Variants in NRG3 observed in about 807,000 individuals in gnomAD.
NRG3 encodes the protein neuregulin 3, also known as pro-neuregulin-3, membrane-bound isoform.
Under a neutral mutation model 66.9 loss-of-function variants are expected in NRG3, and 31 were observed. The observed-to-expected ratio is 0.46, with a 90% CI of 0.35 to 0.63. The LOEUF (loss-of-function observed/expected upper bound fraction) is 0.63, where lower values mean the gene tolerates loss of function less well. Ranked by LOEUF, NRG3 falls within the 20% of genes least tolerant of loss-of-function variation. The probability of loss-of-function intolerance (pLI) is 0.00; values close to 1 mark genes in which losing one functional copy is unlikely to be tolerated. For missense variants in NRG3, 910 were observed against 878.9 expected (o/e 1.04, Z -0.45); for synonymous variants, 393 against 359.4 (o/e 1.09, Z -1.06).
intron 1 of NRG3, among the ~76,000 whole-genome samples, chr10:82,288,561 A>G (rs770022215): frequency 6.6e-6 from 1 of 152,146 alleles, no homozygotes; most frequent in Non-Finnish European, 1.5e-5. Flanking sequence ...ACAAACATTT[A>G]TTGAGTGCCT....
intron 2 of NRG3, among the ~76,000 whole-genome samples, chr10:82,480,335 A>G (rs1842163927): frequency 6.6e-6 from 1 of 152,230 alleles, no homozygotes; most frequent in African/African-American, 2.4e-5. Context: ...GCACACATTC[A>G]ACAGGTGATG....
intron 2 of NRG3, among the ~76,000 whole-genome samples, chr10:82,649,708 C>T (rs936642274): frequency 6.6e-6 from 1 of 151,918 alleles, no homozygotes; most frequent in Non-Finnish European, 1.5e-5. Context: ...CCCACTTCAG[C>T]CTCCCAAAGT....
rs142375681 is a variant in NRG3 at position 82,742,156 on chromosome 10, A to C, written c.1027+3506A>C. ...GTCCAGTGCATACTTTTGCTGAGTGAAATCCCTATTAGCAGGGGGTGAGAA... is the reference window on the plus strand; with the variant it reads ...GTCCAGTGCATACTTTTGCTGAGTGCAATCCCTATTAGCAGGGGGTGAGAA... On this transcript the variant is annotated intron_variant, in intron 3 of 8. Coordinates refer to ENST00000372141, the MANE Select transcript of NRG3 (RefSeq NM_001010848.4). Among the ~76,000 whole-genome samples the C allele has an allele frequency of 5.5e-3, 835 of 152,216 alleles. 7 individuals are homozygous for C. Among genetic ancestry groups the C allele is most frequent in the African/African-American group, 0.019 (777 of 41,532 alleles).
chr10:82,082,426 G>A (rs1410066909), intron 1 of NRG3, among the ~76,000 whole-genome samples: 1 of 152,204 alleles, frequency 6.6e-6, no homozygotes, highest in Non-Finnish European at 1.5e-5. Flanking sequence ...GCCAGCTAGT[G>A]AGTCAAGGAA....
intron 2 of NRG3, among the ~76,000 whole-genome samples, chr10:82,413,599 A>G (rs963919420): frequency 1.3e-5 from 2 of 152,190 alleles, no homozygotes; most frequent in African/African-American, 4.8e-5. Flanking sequence ...TTTTAAAGCC[A>G]GTCATTGACT....
chr10:82,438,074 T>C (rs1034747765), intron 2 of NRG3, among the ~76,000 whole-genome samples: 4 of 152,172 alleles, frequency 2.6e-5, no homozygotes, highest in African/African-American at 9.7e-5. Context: ...CTTTGTCCTT[T>C]GGTGGAGAGA....
intron 3 of NRG3, among the ~76,000 whole-genome samples, chr10:82,833,421 T>C (rs958418460): frequency 2.6e-5 from 4 of 152,158 alleles, no homozygotes; most frequent in African/African-American, 4.8e-5. Context: ...CAGATGCCAC[T>C]GACTTTGCCT....
chr10:82,874,668 A>G (rs912292191), intron 4 of NRG3, among the ~76,000 whole-genome samples: 1 of 152,216 alleles, frequency 6.6e-6, no homozygotes, highest in African/African-American at 2.4e-5. Flanking sequence ...TGAATGAAGT[A>G]GTAACTATTT....
At chr10:82,314,746 C>T (rs2081208135) in intron 1 of NRG3, among the ~76,000 whole-genome samples, 1 of 152,128 alleles carries the variant, frequency 6.6e-6, no homozygotes, top group Admixed American at 6.5e-5. Flanking sequence ...GGAGGCAGAG[C>T]TTTCAGTGAG....
intron 2 of NRG3, among the ~76,000 whole-genome samples, chr10:82,410,336 A>G (rs1298466879): frequency 6.6e-6 from 1 of 151,828 alleles, no homozygotes; most frequent in African/African-American, 2.4e-5. Context: ...GGCATTGATA[A>G]TGAAGACCTC....
rs1240312288 is a variant in NRG3 at position 82,478,590 on chromosome 10, G to T, written c.953+119722G>T. 4.8e-5 allele frequency among the ~76,000 whole-genome samples: 3 copies of T among 62,616 alleles called. 1 individual carries two copies. Among genetic ancestry groups the T allele is most frequent in the Non-Finnish European group, 8.5e-5 (2 of 23,598 alleles). 41.1% of individuals were successfully genotyped at this position (62,616 alleles called of 152,430 possible). A position where few individuals can be genotyped will look rare whatever the true frequency, so the allele number is the denominator to read the frequency against. On this transcript the variant is annotated intron_variant, in intron 2 of 8. Coordinates refer to ENST00000372141, the MANE Select transcript of NRG3 (RefSeq NM_001010848.4). Reference sequence around the variant, plus strand: ...TGGGGGTAAGGTCACAGATCAACAGGATCCCAAGGCAGAGGAATTTTTCTT... The same window carrying T: ...TGGGGGTAAGGTCACAGATCAACAGTATCCCAAGGCAGAGGAATTTTTCTT...
At chr10:81,999,168 T>C (rs1163807997) in intron 1 of NRG3, among the ~76,000 whole-genome samples, 1 of 152,210 alleles carries the variant, frequency 6.6e-6, no homozygotes, top group African/African-American at 2.4e-5. Context: ...TGAATGATTA[T>C]TGACAGTAAA....
chr10:82,078,734 A>G lies in NRG3; in HGVS notation c.823+202571A>G, dbSNP rs1252758374. 4.6e-5 allele frequency among the ~76,000 whole-genome samples: 7 copies of G among 152,248 alleles called. No homozygotes were observed. In the East Asian group the frequency reaches 1.2e-3, roughly 25 times the overall value. On this transcript the variant is annotated intron_variant, in intron 1 of 8. Coordinates refer to ENST00000372141, the MANE Select transcript of NRG3 (RefSeq NM_001010848.4). ...AGGCATAATGCATCTTTAAGTGCTA[A>G]TATTTTTTAAACTGCGATAGAAGTA...
chr10:82,640,136 T>G (rs945587103), intron 2 of NRG3, among the ~76,000 whole-genome samples: 4 of 152,226 alleles, frequency 2.6e-5, no homozygotes, highest in African/African-American at 4.8e-5. Context: ...AAATACCATT[T>G]GACACAGCAA....
chr10:82,547,547 A>G (rs918696666), intron 2 of NRG3, among the ~76,000 whole-genome samples: 3 of 151,548 alleles, frequency 2.0e-5, no homozygotes, highest in African/African-American at 2.4e-5. Flanking sequence ...ACACACATAT[A>G]CATGCATATA....
intron 4 of NRG3, among the ~76,000 whole-genome samples, chr10:82,927,608 C>T (rs1180531372): frequency 1.3e-5 from 2 of 152,146 alleles, no homozygotes; most frequent in Non-Finnish European, 2.9e-5. Flanking sequence ...GTTTTCTGTT[C>T]CTGTATTAGT....
chr10:82,882,953 A>C (rs965358546), intron 4 of NRG3, among the ~76,000 whole-genome samples: 1 of 152,224 alleles, frequency 6.6e-6, no homozygotes, highest in Admixed American at 6.5e-5. Context: ...TAAGACTATT[A>C]TTCACCTGTA....
chr10:82,784,440 A>G (rs1198512918), intron 3 of NRG3, among the ~76,000 whole-genome samples: 2 of 152,110 alleles, frequency 1.3e-5, no homozygotes, highest in African/African-American at 4.8e-5. Flanking sequence ...AATGGGAGAA[A>G]ATTTTTGCAA....
chr10:82,025,764 C>T (rs1447147683), intron 1 of NRG3, among the ~76,000 whole-genome samples: 1 of 152,060 alleles, frequency 6.6e-6, no homozygotes, highest in African/African-American at 2.4e-5. Context: ...ATATTGGCAA[C>T]TTCTAATTCT....
Sources: allele counts gnomAD v4.1 joint callset (sites outside exome capture counted in the v4.1 genomes callset), GRCh38; gene constraint gnomAD v4.1.1; transcripts MANE v1.5; gene names NCBI Gene and HGNC (gene_info 2026-07-23, HGNC 2026-07-21).